The following KIF3B variants were observed in gnomAD, a reference collection of about 807,000 sequenced individuals.
KIF3B encodes the protein kinesin-like protein KIF3B.
A neutral mutation model predicts 74.3 loss-of-function variants in KIF3B; 38 were observed. The observed-to-expected ratio is 0.51, with a 90% CI of 0.39 to 0.67. The LOEUF (loss-of-function observed/expected upper bound fraction) is 0.67, where lower values mean the gene tolerates loss of function less well. Among genes scored for constraint, KIF3B ranks in the 30% least tolerant of loss-of-function variants. KIF3B has a pLI of 0.00. For synonymous variants in KIF3B, 326 were observed against 342.5 expected (o/e 0.95, Z 0.53); for missense variants, 649 against 932.0 (o/e 0.70, Z 3.95).
rs1188855976 is a variant in KIF3B, at chr20:32,322,878, T to A, written c.1749-3893T>A. 6.4e-4 allele frequency among the ~76,000 whole-genome samples: 50 copies of A among 78,636 alleles called. 1 individual carries two copies. The highest frequency in any genetic ancestry group is 2.7e-3 in the African/African-American group (48 of 17,952). The allele number at this position is 78,636 out of a possible 152,430, so 51.6% of individuals were successfully genotyped here. On this transcript the variant is annotated intron_variant, in intron 5 of 8. Transcript: ENST00000375712. ...TTTATATATACATATTCATATATATTTTTATATATTTATATACATATTCAT... is the reference window on the plus strand; with the variant it reads ...TTTATATATACATATTCATATATATATTTATATATTTATATACATATTCAT...
chr20:32,302,803 GTA>G (rs2122680564), intron 1 of KIF3B, among the ~76,000 whole-genome samples: 1 of 152,230 alleles, frequency 6.6e-6, no homozygotes, highest in East Asian at 1.9e-4. Flanking sequence ...GAGACAGGCC[GTA>G]GCTCATGAGC....
At chr20:32,279,357 T>C (rs1244309509) in intron 1 of KIF3B, among the ~76,000 whole-genome samples, 1 of 152,184 alleles carries the variant, frequency 6.6e-6, no homozygotes, top group African/African-American at 2.4e-5. Flanking sequence ...GGGTATTCTT[T>C]TGTTACTTTT....
Position 32,310,793 on chromosome 20 carries a change from A to C in KIF3B, c.1016A>C (p.Asn339Thr). 1 of 1,614,152 alleles carries C rather than the reference A, an allele frequency of 6.2e-7. No individual in the cohort carries two copies. The highest frequency in any genetic ancestry group is 8.5e-7 in the Non-Finnish European group (1 of 1,180,020). ...TTLRYANRAK[N>T]IKNKPRVNED... is the part of the protein sequence containing the mutation. ...CTGCGATATGCCAACCGTGCCAAAA[A>C]CATTAAGAACAAACCAAGGGTCAAT... The change falls in exon 2 of 9, where the codon AAC becomes ACC. Residue 339 changes from asparagine (N) to threonine (T), a missense_variant. By Grantham distance (65) the Asn-to-Thr change is moderately conservative (BLOSUM62 0). Transcript: ENST00000375712. This position sits in a 1 kb window ranked among gnomAD's most constrained non-coding sequence, Gnocchi z 6.5.
At position 32,310,081 on chromosome 20, in the gene KIF3B, A is replaced by G; in HGVS notation, c.304A>G (p.Lys102Glu). ...IFAYGQTGTG[K>E]TYTMEGIRGD... is the part of the protein sequence containing the mutation. ...TGCCTATGGACAAACTGGGACAGGA[A>G]AAACCTACACCATGGAAGGAATCCG... Residue 102 changes from lysine to glutamate, a missense_variant, in exon 2 of 9, where the codon AAA (lysine) becomes GAA (glutamate). By Grantham distance (56) the Lys-to-Glu change is moderately conservative (BLOSUM62 1). Transcript: ENST00000375712. This position sits in a 1 kb window ranked among gnomAD's most constrained non-coding sequence, Gnocchi z 6.5. 6.2e-7 allele frequency: 1 copy of G among 1,614,228 alleles called. No individual in the cohort carries two copies. Among genetic ancestry groups the G allele is most frequent in the Non-Finnish European group, 8.5e-7 (1 of 1,180,044 alleles).
chr20:32,297,640 A>G (rs1209800121), intron 1 of KIF3B, among the ~76,000 whole-genome samples: 4 of 152,160 alleles, frequency 2.6e-5, no homozygotes, highest in African/African-American at 9.6e-5. Flanking sequence ...GAATTTGGTC[A>G]TAGACAGAGA....
At chr20:32,323,137 CATATATTTATATATTTATATTT>C (rs2047883463) in intron 5 of KIF3B, among the ~76,000 whole-genome samples, 1 of 23,882 alleles carries the variant, frequency 4.2e-5, no homozygotes. Context: ...TATATATTTA[CATATATTTATATATTTATATTT>C]ATATATTTAT....
intron 1 of KIF3B, among the ~76,000 whole-genome samples, chr20:32,285,207 A>G (rs950257413): frequency 1.6e-4 from 25 of 152,088 alleles, no homozygotes; most frequent in Non-Finnish European, 3.5e-4. Context: ...CCGCAAACAG[A>G]TATCTCATTT....
At chr20:32,323,701 AC>A (rs1289029909) in intron 5 of KIF3B, among the ~76,000 whole-genome samples, 2 of 151,624 alleles carry the variant, frequency 1.3e-5, no homozygotes, top group African/African-American at 4.8e-5. Context: ...AGATGGTGAA[AC>A]CCCCATCTCT....
At chr20:32,329,752 TG>T (rs1159297232) in intron 7 of KIF3B, among the ~76,000 whole-genome samples, 1 of 152,216 alleles carries the variant, frequency 6.6e-6, no homozygotes, top group Admixed American at 6.5e-5. Context: ...GCACACTCAA[TG>T]TTTTTTTTCT....
intron 2 of KIF3B, among the ~76,000 whole-genome samples, chr20:32,312,316 G>A (rs2122695077): frequency 6.6e-6 from 1 of 151,672 alleles, no homozygotes; most frequent in Admixed American, 6.6e-5. Context: ...TGTTGTTCAG[G>A]CTGGTCTCAA....
chr20:32,326,642 G>A (rs575789681), intron 5 of KIF3B, 129 bp from the exon 6 acceptor site: 177 of 601,362 alleles, frequency 2.9e-4, no homozygotes, highest in South Asian at 9.0e-4. Flanking sequence ...TAGGCCCATC[G>A]TACTTGCTGA....
At chr20:32,291,832 G>C (rs1409696870) in intron 1 of KIF3B, among the ~76,000 whole-genome samples, 1 of 151,984 alleles carries the variant, frequency 6.6e-6, no homozygotes, top group Non-Finnish European at 1.5e-5. Context: ...AGCTAGGCTG[G>C]TCTTGAACTC....
At chr20:32,306,235 A>G (rs2047770432) in intron 1 of KIF3B, among the ~76,000 whole-genome samples, 1 of 150,384 alleles carries the variant, frequency 6.6e-6, no homozygotes, top group African/African-American at 2.5e-5. Context: ...TCTACTAAAT[A>G]TACGAAAAAG....
At chr20:32,324,300 A>G (rs2047892252) in intron 5 of KIF3B, among the ~76,000 whole-genome samples, 1 of 152,144 alleles carries the variant, frequency 6.6e-6, no homozygotes, top group South Asian at 2.1e-4. Context: ...GCCCCACCTC[A>G]GAGATTCTGA....
At chr20:32,304,194 A>G (rs561077285) in intron 1 of KIF3B, among the ~76,000 whole-genome samples, 3 of 152,228 alleles carry the variant, frequency 2.0e-5, no homozygotes, top group Non-Finnish European at 2.9e-5. Context: ...TATGAAAAGC[A>G]ACTTTTTGTG....
At chr20:32,312,975 G>A (rs953129593) in intron 2 of KIF3B, among the ~76,000 whole-genome samples, 1 of 152,156 alleles carries the variant, frequency 6.6e-6, no homozygotes, top group Admixed American at 6.6e-5. Flanking sequence ...TCTCAGTGCA[G>A]TTTCAGTATG....
intron 1 of KIF3B, among the ~76,000 whole-genome samples, chr20:32,295,078 T>A (rs1430568766): frequency 6.6e-6 from 1 of 152,190 alleles, no homozygotes; most frequent in Non-Finnish European, 1.5e-5. Flanking sequence ...AGTTACTCAA[T>A]TATGTCCTTA....
At chr20:32,331,187 G>A (rs766743395) in intron 8 of KIF3B, 36 bp from the exon 9 acceptor site, 2 of 1,423,188 alleles carry the variant, frequency 1.4e-6, no homozygotes, top group Admixed American at 1.7e-5. Context: ...ACAGAGATGG[G>A]GACATGTAAT....
chr20:32,308,230 C>T (rs912210898), intron 1 of KIF3B, among the ~76,000 whole-genome samples: 5 of 152,050 alleles, frequency 3.3e-5, no homozygotes, highest in Admixed American at 6.6e-5. Flanking sequence ...AGCGAGACTC[C>T]GTCTCAAATT....
Sources: gnomAD v4.1 joint callset for allele counts (sites outside exome capture counted in the v4.1 genomes callset) on GRCh38, gnomAD v4.1.1 for gene constraint, Gnocchi (gnomAD v3.1) non-coding constraint, MANE v1.5 for transcripts, NCBI Gene and HGNC (gene_info 2026-07-23, HGNC 2026-07-21) for gene names.